Variants in INF2 observed in about 807,000 individuals in gnomAD.
INF2 encodes the protein inverted formin 2, also known as inverted formin-2.
INF2 carries 43 observed loss-of-function variants against 123.5 expected under a neutral mutation model. The observed-to-expected ratio is 0.35, with a 90% CI of 0.27 to 0.45. The LOEUF (loss-of-function observed/expected upper bound fraction) is 0.45, where lower values mean the gene tolerates loss of function less well. INF2 is among the 20% of genes least tolerant of loss of function. The pLI is 1.00. For missense variants in INF2, 1,453 were observed against 1,682.7 expected, an observed-to-expected ratio of 0.86 and a Z score of 2.39; for synonymous variants, 851 against 745.0, an observed-to-expected ratio of 1.14 and a Z score of -2.32.
chr14:104,696,308 G>A (rs1376143899), intron 1 of INF2, among the ~76,000 whole-genome samples: 7 of 152,254 alleles, frequency 4.6e-5, no homozygotes, highest in Admixed American at 2.0e-4. Context: ...CATGAGGGCT[G>A]GAGTGCTTCT....
chr14:104,708,763 C>A, intron 10 of INF2, 31 bp downstream of exon 10: 1 of 1,608,546 alleles, frequency 6.2e-7, no homozygotes, highest in Non-Finnish European at 8.5e-7. Context: ...CCATCCCAGG[C>A]CACGGAGCCT....
intron 1 of INF2, among the ~76,000 whole-genome samples, chr14:104,683,123 G>A (rs959851805): frequency 3.4e-5 from 5 of 148,804 alleles, no homozygotes; most frequent in African/African-American, 1.2e-4. Flanking sequence ...AAAACCCAAG[G>A]AGCAGCAAAG....
intron 8 of INF2, 93 bp from the exon 9 acceptor site, chr14:104,708,343 C>G: frequency 1.3e-6 from 2 of 1,515,102 alleles, no homozygotes; most frequent in Non-Finnish European, 1.8e-6. Context: ...GCAGGACATC[C>G]TTTAGACCCT....
intron 22 of INF2, chr14:104,715,930 G>A (rs573069425): frequency 2.4e-5 from 11 of 456,190 alleles, no homozygotes; most frequent in South Asian, 1.2e-4. Flanking sequence ...CTCCCACCCC[G>A]AGGCCATGGG....
chr14:104,681,314 G>A lies in INF2; in HGVS notation c.-372G>A, dbSNP rs138302078. 902 of 412,466 alleles carry A rather than the reference G, an allele frequency of 2.2e-3. 9 individuals carry two copies. Among genetic ancestry groups the A allele is most frequent in the Middle Eastern group, 6.9e-3 (9 of 1,310 alleles). 25.6% of individuals were successfully genotyped at this position (412,466 alleles called of 1,614,324 possible). A position where few individuals can be genotyped will look rare whatever the true frequency, so the allele number is the denominator to read the frequency against. On this transcript the variant is annotated 5_prime_UTR_variant, in exon 1 of 3. Transcript: ENST00000674723. The stretch of plus-strand genomic sequence containing the variant: ...CTGAATAAAGCACTGCCAGCGAAAG[G>A]TGAAAAGAGGAACAAAGAACATTCT...
At position 104,718,974 on chromosome 14, in the gene INF2, G is replaced by A. The variant is rs994985614; in HGVS notation, c.*181G>A. 1.9e-5 allele frequency: 26 copies of A among 1,385,682 alleles called. No homozygotes were observed. The highest frequency in any genetic ancestry group is 8.9e-5 in the Admixed American group (3 of 33,888). The allele number at this position is 1,385,682 out of a possible 1,614,324, so 85.8% of individuals were successfully genotyped here. Reference sequence around the variant, plus strand: ...CTTGGGGTGTTGTGGCTGGGAACCCGACAGGCACCAGTGCCCTGCCAGGCC... The same window carrying A: ...CTTGGGGTGTTGTGGCTGGGAACCCAACAGGCACCAGTGCCCTGCCAGGCC... On this transcript the variant is annotated 3_prime_UTR_variant, in exon 23 of 23. Transcript: ENST00000392634.
chr14:104,712,581 G>C (rs1347205955), intron 17 of INF2, 28 bp downstream of exon 17: 1 of 1,612,396 alleles, frequency 6.2e-7, no homozygotes, highest in East Asian at 2.2e-5. Flanking sequence ...CCTGGGGCTG[G>C]CGGGAGAGGC....
chr14:104,703,977 G>A (rs778886588), intron 5 of INF2, 28 bp downstream of exon 5: 84 of 1,607,732 alleles, frequency 5.2e-5, no homozygotes, highest in Middle Eastern at 1.7e-4. Flanking sequence ...CGGTCCTGCC[G>A]GCTCCCCCTC....
chr14:104,719,240 A>T lies in INF2; in HGVS notation c.*447A>T, dbSNP rs749782054. On this transcript the variant is annotated 3_prime_UTR_variant, in exon 23 of 23. Transcript: ENST00000392634. ...TGAGTTGGGGGCCCTGGGCAGGGGT[A>T]AGCTGGCAGGCAGTGCCATGGCAGG... is the stretch of plus-strand genomic sequence containing the variant. 9 of 167,860 alleles carry T rather than the reference A, an allele frequency of 5.4e-5. No homozygotes were observed. Among genetic ancestry groups the T allele is most frequent in the Non-Finnish European group, 8.9e-5 (7 of 78,548 alleles). The allele number at this position is 167,860 out of a possible 1,614,324, so 10.4% of individuals were successfully genotyped here. A position where few individuals can be genotyped will look rare whatever the true frequency, so the allele number is the denominator to read the frequency against.
chr14:104,700,802 T>G (rs1889442831), intron 1 of INF2: 1 of 981,622 alleles, frequency 1.0e-6, no homozygotes, highest in Non-Finnish European at 1.2e-6. Flanking sequence ...AGGGGAGACC[T>G]GGGAGTCGCC....
chr14:104,712,349 G>C (rs1890091827), intron 16 of INF2, 84 bp from the exon 17 acceptor site: 1 of 1,578,226 alleles, frequency 6.3e-7, no homozygotes, highest in Non-Finnish European at 8.6e-7. Flanking sequence ...TGGGGTGCCG[G>C]GGGGTGCAGG....
chr14:104,689,251 C>T (rs1048807749), upstream of INF2: 5 of 985,120 alleles, frequency 5.1e-6, no homozygotes, highest in African/African-American at 8.7e-5. Context: ...GAGAGGTGAG[C>T]GGCGCCTGGG....
intron 12 of INF2, 32 bp from the exon 13 acceptor site, chr14:104,710,056 A>G (rs770671991): frequency 1.3e-6 from 2 of 1,510,018 alleles, no homozygotes; most frequent in Admixed American, 2.0e-5. Flanking sequence ...TGGGGGGTGC[A>G]GGCCACTGAT....
At chr14:104,714,899 G>A (rs761646412) in intron 21 of INF2, 43 bp downstream of exon 21, 61 of 1,477,152 alleles carry the variant, frequency 4.1e-5, no homozygotes, top group South Asian at 3.4e-4. Context: ...ACGCCAGGGC[G>A]CTGGCACCCA....
At position 104,707,807 on chromosome 14, in the gene INF2, C is replaced by T. The variant is rs777030386; in HGVS notation, c.1540C>T (p.Pro514Ser). The change falls in exon 8 of 23, where the codon CCT (proline) becomes TCT (serine). Residue 514 changes from proline to serine, a missense_variant. This residue lies in a region of INF2 where 374 missense variants were observed against 303.7 expected (regional missense o/e 1.23). Transcript: ENST00000392634. ...PPLLPGMGWG[P>S]PPPPPPLLPC... is the part of the protein sequence containing the mutation. Reference sequence around the variant, plus strand: ...CCTGCTGCCTGGTATGGGCTGGGGCCCTCCTCCACCCCCACCTCCACTACT... The same window carrying T: ...CCTGCTGCCTGGTATGGGCTGGGGCTCTCCTCCACCCCCACCTCCACTACT... 6.6e-7 allele frequency: 1 copy of T among 1,523,090 alleles called. No homozygotes were observed. The highest frequency in any genetic ancestry group is 8.9e-7 in the Non-Finnish European group (1 of 1,123,256). The allele number at this position is 1,523,090 out of a possible 1,614,324, so 94.3% of individuals were successfully genotyped here. A position where few individuals can be genotyped will look rare whatever the true frequency, so the allele number is the denominator to read the frequency against.
intron 1 of INF2, among the ~76,000 whole-genome samples, chr14:104,696,149 C>T (rs1021088409): frequency 6.6e-6 from 1 of 152,234 alleles, no homozygotes; most frequent in Non-Finnish European, 1.5e-5. Context: ...CCTTTCTGCC[C>T]ACCTGCTCCC....
At chr14:104,711,794 C>A in intron 16 of INF2, 95 bp downstream of exon 16, 2 of 1,195,396 alleles carry the variant, frequency 1.7e-6, no homozygotes, top group South Asian at 1.3e-5. Flanking sequence ...GGCTGGGTCT[C>A]ACAGCTGCAG....
intron 13 of INF2, among the ~76,000 whole-genome samples, 163 bp downstream of exon 13, chr14:104,710,351 C>T (rs1045096577): frequency 8.7e-6 from 1 of 115,010 alleles, no homozygotes; most frequent in African/African-American, 2.7e-5. Context: ...CTGCTGCCAC[C>T]ACCTCGGTGC....
At position 104,707,807 on chromosome 14, in the gene INF2, C is replaced by A. The variant is rs777030386; in HGVS notation, c.1540C>A (p.Pro514Thr). 5 of 1,522,974 alleles carry A rather than the reference C, an allele frequency of 3.3e-6. No individual in the cohort carries two copies. In the Admixed American group the frequency reaches 7.4e-5, roughly 22 times the overall value. 94.3% of individuals were successfully genotyped at this position (1,522,974 alleles called of 1,614,324 possible). Residue 514 changes from proline to threonine, a missense_variant, in exon 8 of 23, where the codon CCT becomes ACT. Physicochemically the swap from Pro to Thr is conservative, Grantham distance 38. Coordinates refer to ENST00000392634, the MANE Select transcript of INF2 (RefSeq NM_022489.4). Reference sequence around the variant, plus strand: ...CCTGCTGCCTGGTATGGGCTGGGGCCCTCCTCCACCCCCACCTCCACTACT... The same window carrying A: ...CCTGCTGCCTGGTATGGGCTGGGGCACTCCTCCACCCCCACCTCCACTACT... The part of the protein sequence containing the change: ...PPLLPGMGWG[P>T]PPPPPPLLPC...
Sources: allele counts gnomAD v4.1 joint callset (sites outside exome capture counted in the v4.1 genomes callset), GRCh38; gene constraint gnomAD v4.1.1; regional missense constraint gnomAD v4.1.1; transcripts MANE v1.5; gene names NCBI Gene and HGNC (gene_info 2026-07-23, HGNC 2026-07-21).